TTLL8: variants seen among roughly 807,000 people sequenced by gnomAD.
TTLL8 encodes the protein protein monoglycylase TTLL8.
In TTLL8, 65 loss-of-function variants were observed where a neutral mutation model predicts 77.8. That is an observed-to-expected ratio of 0.84 (90% CI 0.68 to 1.03). The LOEUF is 1.03. Ranked by LOEUF, TTLL8 falls within the 50% of genes least tolerant of loss-of-function variation. The pLI, the probability that TTLL8 is intolerant of heterozygous loss-of-function variation, is 0.00. For synonymous variants in TTLL8, 402 were observed against 422.8 expected (o/e 0.95, Z 0.60); for missense variants, 910 against 1,004.5 (o/e 0.91, Z 1.27).
At chr22:50,045,363 T>C in exon 6 of TTLL8, 2 of 1,366,130 alleles carry the variant, frequency 1.5e-6, no homozygotes, top group Non-Finnish European at 2.0e-6. Context: ...TTGAGGATGC[T>C]GGATGCCATG....
At chr22:50,047,479 G>T (rs1446830889) in intron 3 of TTLL8, among the ~76,000 whole-genome samples, 183 bp from the exon 6 acceptor site, 1 of 152,216 alleles carries the variant, frequency 6.6e-6, no homozygotes, top group East Asian at 1.9e-4. Flanking sequence ...GCGCAACCAG[G>T]ACCACATACG....
chr22:50,053,505 G>A lies in TTLL8; in HGVS notation c.51+1071C>T, dbSNP rs114472108. Among the ~76,000 whole-genome samples, 809 of 152,188 alleles carry A rather than the reference G, an allele frequency of 5.3e-3. 10 individuals are homozygous for A. Among genetic ancestry groups the A allele is most frequent in the African/African-American group, 9.2e-3 (382 of 41,514 alleles). ...AAAGCTTGTGAAATGCAGCTAATGC[G>A]GTACCCAGAGGGATAGTTGTAGCCT... On this transcript the variant is annotated intron_variant, in intron 1 of 13. Coordinates refer to ENST00000266182, the Ensembl canonical transcript of TTLL8.
At chr22:50,033,478 C>T in intron 9 of TTLL8, 33 bp from the exon 11 acceptor site, 1 of 1,346,214 alleles carries the variant, frequency 7.4e-7, no homozygotes, top group South Asian at 1.1e-5. Flanking sequence ...CCAGCATGCA[C>T]AGCCACTGTG....
chr22:50,023,262 A>G (rs932897211), intron 12 of TTLL8, among the ~76,000 whole-genome samples: 2 of 152,254 alleles, frequency 1.3e-5, no homozygotes, highest in African/African-American at 4.8e-5. Context: ...ACTGAAAAAA[A>G]CCTAAATAAA....
In TTLL8 at chr22:50,022,391, T is replaced by G. The variant is rs908364742; in HGVS notation, c.2204-5829A>C. ...ATGTGTACTACTCCATCTGACAATGTGTACTCCTCCATCTGACATGCACTC... is the reference window on the plus strand; with the variant it reads ...ATGTGTACTACTCCATCTGACAATGGGTACTCCTCCATCTGACATGCACTC... On this transcript the variant is annotated intron_variant, in intron 12 of 13. Transcript: ENST00000266182. Among the ~76,000 whole-genome samples, 4 of 146,294 alleles carry G rather than the reference T, an allele frequency of 2.7e-5. No homozygotes were observed. The East Asian group carries it at 6.4e-4, about 23-fold the overall frequency.
intron 8 of TTLL8, among the ~76,000 whole-genome samples, chr22:50,040,342 G>A (rs1414008239): frequency 6.6e-6 from 1 of 150,634 alleles, no homozygotes; most frequent in African/African-American, 2.4e-5. Flanking sequence ...ATGTGCCAGT[G>A]TGGACGGACC....
upstream of TTLL8, among the ~76,000 whole-genome samples, chr22:50,056,231 G>A (rs900967619): frequency 2.0e-5 from 3 of 152,220 alleles, no homozygotes; most frequent in African/African-American, 4.8e-5. This position sits in a 1 kb window ranked among gnomAD's most constrained non-coding sequence, Gnocchi z 4.1. Context: ...GCCATAGCGC[G>A]ATTTAACCGC....
intron 12 of TTLL8, among the ~76,000 whole-genome samples, chr22:50,024,394 G>T (rs2061220447): frequency 6.6e-6 from 1 of 152,164 alleles, no homozygotes; most frequent in Non-Finnish European, 1.5e-5. Context: ...CAGAGTGCTG[G>T]GGTTACAGGT....
At position 50,044,861 on chromosome 22, in the gene TTLL8, G is replaced by A. The variant is rs1309071669; in HGVS notation, c.643+394C>T. Among the ~76,000 whole-genome samples, 2 of 152,098 alleles carry A rather than the reference G, an allele frequency of 1.3e-5. No individual in the cohort carries two copies. Among genetic ancestry groups the A allele is most frequent in the Non-Finnish European group, 1.5e-5 (1 of 68,002 alleles). On this transcript the variant is annotated intron_variant, in intron 6 of 13. Coordinates refer to ENST00000266182, the Ensembl canonical transcript of TTLL8. This position sits in a 1 kb window ranked among gnomAD's most constrained non-coding sequence, Gnocchi z 4.2. ...TCACATCCCTGTACCACCCAGGGGCGCCTCTCCCCTGGGCTTCCTGTGTCC... is the reference window on the plus strand; with the variant it reads ...TCACATCCCTGTACCACCCAGGGGCACCTCTCCCCTGGGCTTCCTGTGTCC...
At chr22:50,057,111 T>C (rs879862593), upstream of TTLL8, among the ~76,000 whole-genome samples, 3 of 138,202 alleles carry the variant, frequency 2.2e-5, no homozygotes, top group Admixed American at 1.5e-4. Context: ...AGGTCTGGGT[T>C]GGGGGATGAG....
chr22:50,029,399 C>T (rs1318970822), intron 12 of TTLL8, among the ~76,000 whole-genome samples: 5 of 130,662 alleles, frequency 3.8e-5, no homozygotes, highest in African/African-American at 1.1e-4. Flanking sequence ...ATCACACCAT[C>T]CTGAAGACCC....
At chr22:50,054,445 T>TGCC (rs902811723) in intron 1 of TTLL8, 3 of 165,282 alleles carry the variant, frequency 1.8e-5, no homozygotes, top group African/African-American at 7.3e-5. Context: ...GGAGGGAGAG[T>TGCC]GCCAACTGCC....
At chr22:50,025,491 T>C (rs2146628981) in intron 12 of TTLL8, among the ~76,000 whole-genome samples, 1 of 151,906 alleles carries the variant, frequency 6.6e-6, no homozygotes, top group Admixed American at 6.5e-5. Context: ...AATACAAAAT[T>C]AGCTGGGCAT....
intron 12 of TTLL8, among the ~76,000 whole-genome samples, chr22:50,028,388 A>C (rs941150684): frequency 6.6e-6 from 1 of 152,178 alleles, no homozygotes; most frequent in Non-Finnish European, 1.5e-5. Context: ...GGTGTCTGGG[A>C]GGCCACGTCA....
intron 6 of TTLL8, among the ~76,000 whole-genome samples, chr22:50,042,455 T>C (rs946431990): frequency 6.6e-6 from 1 of 152,086 alleles, no homozygotes; most frequent in Admixed American, 6.5e-5. Context: ...GGATTACAGG[T>C]GTGTGCCACC....
chr22:50,046,453 G>C (rs2146686858), intron 4 of TTLL8, among the ~76,000 whole-genome samples: 1 of 152,366 alleles, frequency 6.6e-6, no homozygotes, highest in East Asian at 1.9e-4. Flanking sequence ...CCGATGTCTG[G>C]TTTGTCACCC....
upstream of TTLL8, among the ~76,000 whole-genome samples, chr22:50,057,481 T>C (rs939686807): frequency 1.6e-4 from 1 of 6,414 alleles, no homozygotes; most frequent in African/African-American, 6.3e-4. Context: ...GTCTGGATTG[T>C]GGGTCAGGTC....
At chr22:50,030,274 G>C in intron 12 of TTLL8, 156 bp downstream of exon 13, 2 of 984,646 alleles carry the variant, frequency 2.0e-6, no homozygotes, top group Non-Finnish European at 2.4e-6. Context: ...CCCGCTCCCC[G>C]GCTCCCGCCG....
chr22:50,025,830 C>T (rs577333166), intron 12 of TTLL8, among the ~76,000 whole-genome samples: 30 of 152,266 alleles, frequency 2.0e-4, no homozygotes, highest in East Asian at 3.9e-4. Context: ...ATTAAAACCA[C>T]GATGAGATAT....
Sources: gnomAD v4.1 joint callset for allele counts (sites outside exome capture counted in the v4.1 genomes callset) on GRCh38, gnomAD v4.1.1 for gene constraint, Gnocchi (gnomAD v3.1) non-coding constraint, MANE v1.5 for transcripts, NCBI Gene and HGNC (gene_info 2026-07-23, HGNC 2026-07-21) for gene names.